The following DSG3 variants were observed in gnomAD, a reference collection of about 807,000 sequenced individuals.
DSG3 encodes desmoglein 3, also known as desmoglein-3.
DSG3 carries 63 observed loss-of-function variants against 85.9 expected under a neutral mutation model. The observed-to-expected ratio is 0.73, with a 90% CI of 0.60 to 0.90. The LOEUF (loss-of-function observed/expected upper bound fraction) is 0.90, where lower values mean the gene tolerates loss of function less well. Ranked by LOEUF, DSG3 falls within the 40% of genes least tolerant of loss-of-function variation. DSG3 has a pLI of 0.00. For synonymous variants in DSG3, 447 were observed against 441.9 expected (o/e 1.01, Z -0.14); for missense variants, 1,220 against 1,219.9 (o/e 1.00, Z 0.00).
chr18:31,448,056 G>A, intron 1 of DSG3, 131 bp downstream of exon 1: 1 of 577,068 alleles, frequency 1.7e-6, no homozygotes, highest in Non-Finnish European at 2.7e-6. Flanking sequence ...ACTTTGAAAT[G>A]AAATCGTGAA....
Position 31,447,750 on chromosome 18 carries a change from C to A in DSG3, c.-128C>A. On this transcript the variant is annotated 5_prime_UTR_variant, in exon 1 of 16. Coordinates refer to ENST00000257189, the MANE Select transcript of DSG3 (RefSeq NM_001944.3). Reference sequence around the variant, plus strand: ...GGTGGGGAGGGACCGCATAACAGACCATCTGTAGACTCCTTCGGAAAGCAG... The same window carrying A: ...GGTGGGGAGGGACCGCATAACAGACAATCTGTAGACTCCTTCGGAAAGCAG... 1.6e-6 allele frequency: 1 copy of A among 637,534 alleles called. No individual in the cohort carries two copies. Among genetic ancestry groups the A allele is most frequent in the Admixed American group, 3.5e-5 (1 of 28,720 alleles). The allele number at this position is 637,534 out of a possible 1,614,324, so 39.5% of individuals were successfully genotyped here.
intron 2 of DSG3, 48 bp downstream of exon 2, chr18:31,456,523 A>T (rs982538221): frequency 9.5e-7 from 1 of 1,055,754 alleles, no homozygotes; most frequent in African/African-American, 1.8e-5. Flanking sequence ...GTTTAGTTTA[A>T]AAAAAAATTA....
chr18:31,452,665 T>C (rs2072718974), intron 1 of DSG3, among the ~76,000 whole-genome samples: 1 of 152,150 alleles, frequency 6.6e-6, no homozygotes, highest in Non-Finnish European at 1.5e-5. Flanking sequence ...CACCTATTAA[T>C]TTAATCCTCA....
intron 12 of DSG3, 67 bp downstream of exon 12, chr18:31,469,416 C>T (rs2072842383): frequency 6.3e-7 from 1 of 1,583,144 alleles, no homozygotes; most frequent in Non-Finnish European, 8.6e-7. Flanking sequence ...TCCATGCTGC[C>T]CTGCTCATCT....
At position 31,460,945 on chromosome 18, in the gene DSG3, T is replaced by C; in HGVS notation, c.797T>C (p.Met266Thr). 1.9e-6 allele frequency: 3 copies of C among 1,601,360 alleles called. No homozygotes were observed. The highest frequency in any genetic ancestry group is 2.5e-6 in the Non-Finnish European group (3 of 1,176,726). ...KVKDVNDNFP[M>T]FRDSQYSARI... Reference sequence around the variant, plus strand: ...AAAGATGTCAACGATAACTTCCCAATGTTTAGAGACTCTCAGGTACACCCA... The same window carrying C: ...AAAGATGTCAACGATAACTTCCCAACGTTTAGAGACTCTCAGGTACACCCA... Residue 266 changes from methionine (M) to threonine (T), a missense_variant, in exon 7 of 16, where the codon ATG (methionine) becomes ACG (threonine). Transcript: ENST00000257189.
chr18:31,449,440 G>T (rs2072698020), intron 1 of DSG3, among the ~76,000 whole-genome samples: 1 of 152,118 alleles, frequency 6.6e-6, no homozygotes, highest in Non-Finnish European at 1.5e-5. Context: ...GAGGACATAG[G>T]ATTGGGCCAC....
intron 12 of DSG3, among the ~76,000 whole-genome samples, chr18:31,470,867 G>T (rs1402133121): frequency 6.6e-6 from 1 of 152,162 alleles, no homozygotes. Context: ...CTAAAGCGCG[G>T]GGAAATTGTG....
chr18:31,474,103 G>A lies in DSG3; in HGVS notation c.2102-18G>A, dbSNP rs1326876001. On this transcript the variant is annotated intron_variant, in intron 14 of 15. Coordinates refer to ENST00000257189, the MANE Select transcript of DSG3 (RefSeq NM_001944.3). ...ACAACAGCATAAGATATTACAGAAT[G>A]TTCTCCCTTGTTTTTAGAAGTTTGT... The A allele has an allele frequency of 1.9e-6, 3 of 1,601,974 alleles. No individual in the cohort carries two copies. Among genetic ancestry groups the A allele is most frequent in the East Asian group, 2.2e-5 (1 of 44,628 alleles).
intron 9 of DSG3, 26 bp from the exon 10 acceptor site, chr18:31,465,292 C>CT: frequency 7.4e-7 from 1 of 1,357,444 alleles, no homozygotes; most frequent in Non-Finnish European, 9.6e-7. Flanking sequence ...TGAAAGAAAA[C>CT]TGATTTTTTT....
intron 11 of DSG3, 97 bp from the exon 12 acceptor site, chr18:31,468,992 T>G (rs2072838170): frequency 1.3e-6 from 2 of 1,484,816 alleles, no homozygotes; most frequent in East Asian, 4.6e-5. Context: ...GTTTTCTTTA[T>G]GAATTATCCA....
In DSG3 at chr18:31,478,201, T is replaced by C. The variant is rs2072901046; in HGVS notation, c.*1941T>C. 6.6e-6 allele frequency: 1 copy of C among 152,170 alleles called. No homozygotes were observed. The highest frequency in any genetic ancestry group is 2.4e-5 in the African/African-American group (1 of 41,426). The allele number at this position is 152,170 out of a possible 1,614,324, so 9.4% of individuals were successfully genotyped here. On this transcript the variant is annotated 3_prime_UTR_variant, in exon 16 of 16. Transcript: ENST00000257189. ...CCTGGTAAGTCCTGAGGAGGTTCCA[T>C]TGCTCTTCCTGCTGCTGTCCTTTGC...
chr18:31,469,060 T>C, intron 11 of DSG3, 29 bp from the exon 12 acceptor site: 2 of 1,608,144 alleles, frequency 1.2e-6, no homozygotes, highest in Non-Finnish European at 1.7e-6. Context: ...TTCGTCCTAC[T>C]GTTGATTTGC....
In DSG3 at chr18:31,474,226, G is replaced by A. The variant is rs201074636; in HGVS notation, c.2207G>A (p.Gly736Asp). 6.8e-6 allele frequency: 11 copies of A among 1,614,168 alleles called. No homozygotes were observed. The highest frequency in any genetic ancestry group is 9.3e-6 in the Non-Finnish European group (11 of 1,180,040). Residue 736 changes from glycine to aspartate, a missense_variant, in exon 15 of 16, where the codon GGC becomes GAC. Physicochemically the swap from Gly to Asp is moderately conservative, Grantham distance 94 (BLOSUM62 -1). Transcript: ENST00000257189. ...GAATESGGAAGFATGTVSGAA... is the reference protein window; with the variant it reads ...GAATESGGAADFATGTVSGAA... ...GCCACTGAATCTGGAGGTGCTGCAG[G>A]CTTTGCAACAGGGACAGTGTCAGGA...
chr18:31,474,093 A>G (rs1369546311), intron 14 of DSG3, 28 bp from the exon 15 acceptor site: 2 of 1,596,640 alleles, frequency 1.3e-6, no homozygotes, highest in Non-Finnish European at 1.7e-6. Context: ...AGCATAAGAT[A>G]TTACAGAATG....
intron 3 of DSG3, 139 bp downstream of exon 3, chr18:31,457,263 A>G: frequency 1.6e-6 from 1 of 608,206 alleles, no homozygotes; most frequent in Non-Finnish European, 2.6e-6. Flanking sequence ...TCAACAAAAT[A>G]GTACAATAAT....
chr18:31,469,500 C>A, intron 12 of DSG3, 151 bp downstream of exon 12: 1 of 1,123,666 alleles, frequency 8.9e-7, no homozygotes, highest in Non-Finnish European at 1.2e-6. Context: ...CAGAAAGAAT[C>A]TGAAATGTGT....
intron 5 of DSG3, 62 bp downstream of exon 5, chr18:31,459,239 C>A: frequency 7.0e-7 from 1 of 1,434,120 alleles, no homozygotes; most frequent in South Asian, 1.3e-5. Flanking sequence ...AGTCCCACTA[C>A]AATATGTCAT....
At position 31,466,699 on chromosome 18, in the gene DSG3, A is replaced by G; in HGVS notation, c.1581A>G (p.Ala527=). 2 of 1,614,226 alleles carry G rather than the reference A, an allele frequency of 1.2e-6. No individual in the cohort carries two copies. Among genetic ancestry groups the G allele is most frequent in the Non-Finnish European group, 1.7e-6 (2 of 1,180,042 alleles). Residue 527 remains alanine, a synonymous_variant, in exon 11 of 16, where the codon GCA becomes GCG. Transcript: ENST00000257189. ...GATACACTGGCCCCTATACATTTGC[A>G]CTGGAAGATCAACCTGTAAAGTTGC... is the stretch of plus-strand genomic sequence containing the variant. ...NNRYTGPYTF[A]LEDQPVKLPA...
At chr18:31,470,069 G>T (rs568431662) in intron 12 of DSG3, among the ~76,000 whole-genome samples, 17 of 152,034 alleles carry the variant, frequency 1.1e-4, no homozygotes, top group Middle Eastern at 3.4e-3. Flanking sequence ...CAATAGATAG[G>T]TTTCTGAAAA....
Sources: allele counts gnomAD v4.1 joint callset (sites outside exome capture counted in the v4.1 genomes callset), GRCh38; gene constraint gnomAD v4.1.1; transcripts MANE v1.5; gene names NCBI Gene and HGNC (gene_info 2026-07-23, HGNC 2026-07-21).